The following RGS20 variants were observed in gnomAD, a reference collection of about 807,000 sequenced individuals.
RGS20 encodes the protein gz-selective GTPase-activating protein.
A neutral mutation model predicts 33.6 loss-of-function variants in RGS20; 30 were observed. That is an observed-to-expected ratio of 0.89 (90% CI 0.67 to 1.21). The LOEUF is 1.21. Among genes scored for constraint, RGS20 ranks in the 50% most tolerant of loss-of-function variants. RGS20 has a pLI of 0.00. For missense variants in RGS20, 472 were observed against 502.4 expected (o/e 0.94, Z 0.58); for synonymous variants, 208 against 197.9 (o/e 1.05, Z -0.43).
chr8:53,909,115 G>A (rs561305391), intron 2 of RGS20, among the ~76,000 whole-genome samples: 6 of 148,504 alleles, frequency 4.0e-5, no homozygotes, highest in African/African-American at 1.5e-4. Context: ...ATTTGACACA[G>A]AGAAGTTGGG....
chr8:53,880,626 G>C (rs568505126), intron 2 of RGS20, among the ~76,000 whole-genome samples: 2 of 152,192 alleles, frequency 1.3e-5, no homozygotes, highest in African/African-American at 4.8e-5. Context: ...GCGCGCCGAG[G>C]GGAGGCGATG....
At chr8:53,872,085 G>T (rs1812087274) in intron 1 of RGS20, among the ~76,000 whole-genome samples, 1 of 152,060 alleles carries the variant, frequency 6.6e-6, no homozygotes, top group African/African-American at 2.4e-5. Context: ...CCATTCAACT[G>T]CTCAAGTAAA....
At chr8:53,911,966 G>A (rs185695848) in intron 2 of RGS20, among the ~76,000 whole-genome samples, 5 of 151,746 alleles carry the variant, frequency 3.3e-5, no homozygotes, top group Non-Finnish European at 7.4e-5. Flanking sequence ...ATAAAAAGAT[G>A]GAACATTTCC....
chr8:53,879,313 T>A lies in RGS20; in HGVS notation c.221T>A (p.Leu74His). ...CCCGCCGCCCCGAAGCTGTTCGGCC[T>A]CCTTTCTAGCCCGCTTTCCAGCCTC... Residue 74 changes from leucine to histidine, a missense_variant, in exon 2 of 6, where the codon CTC (leucine) becomes CAC (histidine). Transcript: ENST00000297313. 6.2e-7 allele frequency: 1 copy of A among 1,613,438 alleles called. No homozygotes were observed. The highest frequency in any genetic ancestry group is 8.5e-7 in the Non-Finnish European group (1 of 1,179,946).
At chr8:53,871,242 C>A (rs1260484307) in intron 1 of RGS20, among the ~76,000 whole-genome samples, 1 of 147,708 alleles carries the variant, frequency 6.8e-6, no homozygotes, top group Non-Finnish European at 1.5e-5. Context: ...AGGTATAATT[C>A]TTGACCTTGC....
chr8:53,879,634 C>G (rs760871487), intron 2 of RGS20: 2 of 1,408,968 alleles, frequency 1.4e-6, no homozygotes, highest in South Asian at 3.0e-5. Flanking sequence ...ACGCCCCACA[C>G]CCAGCCTCCC....
chr8:53,854,323 CA>C (rs1453706059), intron 1 of RGS20, among the ~76,000 whole-genome samples: 1 of 152,058 alleles, frequency 6.6e-6, no homozygotes, highest in Admixed American at 6.6e-5. Flanking sequence ...AAAATACTTT[CA>C]CCCCCATGTC....
intron 2 of RGS20, among the ~76,000 whole-genome samples, chr8:53,888,072 A>G (rs1023586892): frequency 6.6e-6 from 1 of 152,032 alleles, no homozygotes; most frequent in African/African-American, 2.4e-5. Flanking sequence ...TTATACATTC[A>G]TTGTGTTTTT....
intron 4 of RGS20, 90 bp downstream of exon 3, chr8:53,946,838 T>C (rs1814496166): frequency 9.6e-7 from 1 of 1,041,198 alleles, no homozygotes; most frequent in Non-Finnish European, 1.4e-6. Context: ...ACAGAACACA[T>C]ACTTTCTCTA....
chr8:53,905,377 ATAGAGCT>A (rs1276792613), intron 2 of RGS20, among the ~76,000 whole-genome samples: 2 of 152,230 alleles, frequency 1.3e-5, no homozygotes, highest in African/African-American at 4.8e-5. Flanking sequence ...CATAGTGGAA[ATAGAGCT>A]TTGATTTGAT....
chr8:53,955,023 A>G (rs1319095384), intron 5 of RGS20, among the ~76,000 whole-genome samples: 2 of 151,456 alleles, frequency 1.3e-5, no homozygotes, highest in Non-Finnish European at 2.9e-5. Context: ...AAAATGCACA[A>G]AATTTTTCAC....
At chr8:53,957,873 ACAGTGGCT>A (rs1764990480) in intron 5 of RGS20, among the ~76,000 whole-genome samples, 1 of 152,168 alleles carries the variant, frequency 6.6e-6, no homozygotes, top group African/African-American at 2.4e-5. Flanking sequence ...AAGGCCGGGC[ACAGTGGCT>A]CATGCCTGTA....
chr8:53,932,059 T>C (rs1165554569), intron 2 of RGS20, among the ~76,000 whole-genome samples: 1 of 152,212 alleles, frequency 6.6e-6, no homozygotes, highest in Non-Finnish European at 1.5e-5. Flanking sequence ...AAAATTCTTT[T>C]CTTTAAGAAT....
At chr8:53,888,581 C>T (rs1310560890) in intron 2 of RGS20, among the ~76,000 whole-genome samples, 1 of 152,120 alleles carries the variant, frequency 6.6e-6, no homozygotes, top group Non-Finnish European at 1.5e-5. Context: ...GCAGTAGCGC[C>T]CCTCCCTGGA....
At chr8:53,913,873 T>A (rs1262173884) in intron 2 of RGS20, 1 of 152,272 alleles carries the variant, frequency 6.6e-6, no homozygotes, top group Non-Finnish European at 1.5e-5. Flanking sequence ...ATGTTAAAGT[T>A]TATTCTTACA....
At chr8:53,920,671 T>A (rs976920016) in intron 2 of RGS20, among the ~76,000 whole-genome samples, 3 of 152,228 alleles carry the variant, frequency 2.0e-5, no homozygotes, top group Admixed American at 6.5e-5. Flanking sequence ...ATAGGTGTGT[T>A]ATAGGTGACT....
At chr8:53,881,169 G>T in intron 2 of RGS20, 85 bp downstream of exon 1, 2 of 1,038,630 alleles carry the variant, frequency 1.9e-6, no homozygotes, top group Admixed American at 6.9e-5. Flanking sequence ...GAGGCTGGGA[G>T]GGGCGCGCCG....
intron 2 of RGS20, among the ~76,000 whole-genome samples, chr8:53,923,397 C>G (rs1813704722): frequency 6.6e-6 from 1 of 152,074 alleles, no homozygotes; most frequent in African/African-American, 2.4e-5. Context: ...GAGTTTGAGA[C>G]CAGCCTGGGC....
At chr8:53,864,264 T>C (rs1184238375) in intron 1 of RGS20, among the ~76,000 whole-genome samples, 1 of 151,114 alleles carries the variant, frequency 6.6e-6, no homozygotes, top group Admixed American at 6.6e-5. Flanking sequence ...ACCCCGTCTC[T>C]ACAAAAATAC....
Sources: gnomAD v4.1 joint callset for allele counts (sites outside exome capture counted in the v4.1 genomes callset) on GRCh38, gnomAD v4.1.1 for gene constraint, MANE v1.5 for transcripts, NCBI Gene and HGNC (gene_info 2026-07-23, HGNC 2026-07-21) for gene names.